The following WWC2 variants were observed in gnomAD, a reference collection of about 807,000 sequenced individuals.
The protein encoded by WWC2 is WW and C2 domain containing 2.
In WWC2, 101 loss-of-function variants were observed where a neutral mutation model predicts 138.5. The observed-to-expected ratio is 0.73, with a 90% CI of 0.62 to 0.86. WWC2 has a LOEUF of 0.86. WWC2 is among the 40% of genes least tolerant of loss of function. The pLI, the probability that WWC2 is intolerant of heterozygous loss-of-function variation, is 0.00. For missense variants in WWC2, 1,420 were observed against 1,419.4 expected, an observed-to-expected ratio of 1.00 and a Z score of -0.01; for synonymous variants, 558 against 538.4, an observed-to-expected ratio of 1.04 and a Z score of -0.50.
At chr4:183,101,712 A>T (rs934218322) in intron 1 of WWC2, among the ~76,000 whole-genome samples, 2 of 152,206 alleles carry the variant, frequency 1.3e-5, no homozygotes, top group Non-Finnish European at 2.9e-5. Flanking sequence ...CAGTTTTGTT[A>T]CACACTTACC....
At chr4:183,313,715 C>T (rs1452763747) in intron 22 of WWC2, among the ~76,000 whole-genome samples, 1 of 151,298 alleles carries the variant, frequency 6.6e-6, no homozygotes, top group Non-Finnish European at 1.5e-5. Context: ...CTGGTGGGCA[C>T]CAATCACTGA....
At chr4:183,155,190 GA>G (rs1561439602) in intron 1 of WWC2, among the ~76,000 whole-genome samples, 24 of 10,968 alleles carry the variant, frequency 2.2e-3, no homozygotes, top group Middle Eastern at 0.028. Flanking sequence ...ATCTTCTGAG[GA>G]GAGAGAGAGA....
intron 1 of WWC2, among the ~76,000 whole-genome samples, chr4:183,153,645 C>CT (rs397964355): frequency 0.069 from 8,917 of 128,976 alleles, 645 homozygotes; most frequent in African/African-American, 0.16. Flanking sequence ...TAGAAGTAGT[C>CT]TTTTTTTTTT....
rs539110891 is a variant in WWC2 at position 183,320,529 on chromosome 4, A to C, written c.*4800A>C. ...AAGTGATAATCTCCTTTCATTGTCA[A>C]GGTTAAAATGGCTTTCATGTTATTC... On this transcript the variant is annotated 3_prime_UTR_variant, in exon 23 of 23. Transcript: ENST00000403733. The C allele has an allele frequency of 2.9e-6, 1 of 348,694 alleles. No individual in the cohort carries two copies. Among genetic ancestry groups the C allele is most frequent in the African/African-American group, 2.1e-5 (1 of 48,090 alleles). 21.6% of individuals were successfully genotyped at this position (348,694 alleles called of 1,614,324 possible). A position where few individuals can be genotyped will look rare whatever the true frequency, so the allele number is the denominator to read the frequency against.
At chr4:183,309,504 G>A (rs999058140) in intron 21 of WWC2, among the ~76,000 whole-genome samples, 3 of 152,142 alleles carry the variant, frequency 2.0e-5, no homozygotes, top group Non-Finnish European at 4.4e-5. Context: ...ATAAGAAATT[G>A]CAGATTAAAG....
intron 7 of WWC2, 72 bp from the exon 8 acceptor site, chr4:183,249,848 C>A: frequency 7.7e-7 from 1 of 1,304,128 alleles, no homozygotes; most frequent in Non-Finnish European, 1.1e-6. Context: ...ACATACTTCC[C>A]AGAAACAAAA....
At chr4:183,206,087 C>A (rs1472008490) in intron 2 of WWC2, among the ~76,000 whole-genome samples, 1 of 152,058 alleles carries the variant, frequency 6.6e-6, no homozygotes, top group Non-Finnish European at 1.5e-5. Flanking sequence ...GCTTGAGTTA[C>A]CCCTCTTTGC....
At chr4:183,120,450 G>C (rs1579957220) in intron 1 of WWC2, among the ~76,000 whole-genome samples, 1 of 152,134 alleles carries the variant, frequency 6.6e-6, no homozygotes, top group East Asian at 1.9e-4. Flanking sequence ...CTTTATTAGT[G>C]GCTGCTTCTG....
Position 183,122,674 on chromosome 4 carries a change from C to T in WWC2, c.131+23052C>T, listed in dbSNP as rs150953737. Among the ~76,000 whole-genome samples, 1,197 of 152,204 alleles carry T rather than the reference C, an allele frequency of 7.9e-3. 12 individuals carry two copies. The highest frequency in any genetic ancestry group is 0.027 in the African/African-American group (1,132 of 41,516). On this transcript the variant is annotated intron_variant, in intron 1 of 22. Coordinates refer to ENST00000403733, the MANE Select transcript of WWC2 (RefSeq NM_024949.6). ...AGCTGGGATTACAGGCATGCACCAC[C>T]ACCCCTAGCTAATTTTGTGTTTTTA...
chr4:183,209,658 G>T (rs1735543892), intron 4 of WWC2, among the ~76,000 whole-genome samples: 1 of 152,256 alleles, frequency 6.6e-6, no homozygotes, highest in Middle Eastern at 3.4e-3. Flanking sequence ...TGTTTTGTCA[G>T]ACAACCCAAT....
intron 1 of WWC2, among the ~76,000 whole-genome samples, chr4:183,101,942 C>T (rs978021214): frequency 1.3e-5 from 2 of 152,144 alleles, no homozygotes; most frequent in African/African-American, 4.8e-5. Context: ...TTTTGATAGT[C>T]TATCAGAATT....
intron 15 of WWC2, chr4:183,269,470 C>T (rs938941621): frequency 3.9e-5 from 21 of 536,664 alleles, no homozygotes; most frequent in African/African-American, 2.5e-4. Flanking sequence ...CTTACCACTC[C>T]CAGTACCAAT....
chr4:183,157,565 A>T (rs183717050), intron 1 of WWC2, among the ~76,000 whole-genome samples: 1 of 152,144 alleles, frequency 6.6e-6, no homozygotes, highest in Non-Finnish European at 1.5e-5. Flanking sequence ...CAGTGGCGCA[A>T]TCTCAGCTCA....
intron 1 of WWC2, among the ~76,000 whole-genome samples, chr4:183,172,446 G>T (rs1472061487): frequency 6.6e-6 from 1 of 152,008 alleles, no homozygotes; most frequent in African/African-American, 2.4e-5. Context: ...TTTAGCTAGG[G>T]ACATAATTCC....
At chr4:183,236,378 C>A (rs1194033829) in intron 4 of WWC2, among the ~76,000 whole-genome samples, 10 of 152,030 alleles carry the variant, frequency 6.6e-5, no homozygotes, top group Non-Finnish European at 1.5e-4. Flanking sequence ...CCAGGGGTGC[C>A]TTGTGGTCAG....
chr4:183,178,586 A>G (rs1224806193), intron 1 of WWC2, among the ~76,000 whole-genome samples: 1 of 151,360 alleles, frequency 6.6e-6, no homozygotes, highest in African/African-American at 2.4e-5. Flanking sequence ...CTCTTTAAAA[A>G]AAAAAAAAAA....
chr4:183,272,325 T>C (rs566551049), intron 16 of WWC2, among the ~76,000 whole-genome samples: 5 of 152,314 alleles, frequency 3.3e-5, no homozygotes, highest in Non-Finnish European at 5.9e-5. Flanking sequence ...GAACAACACA[T>C]ACAAAATGGC....
intron 1 of WWC2, among the ~76,000 whole-genome samples, chr4:183,134,691 A>G (rs1733055158): frequency 6.6e-6 from 1 of 152,054 alleles, no homozygotes; most frequent in Non-Finnish European, 1.5e-5. Flanking sequence ...TTTTTGCTTT[A>G]TATGATAATT....
intron 1 of WWC2, among the ~76,000 whole-genome samples, chr4:183,188,672 T>C (rs1734891503): frequency 7.1e-6 from 1 of 139,994 alleles, no homozygotes; most frequent in Non-Finnish European, 1.5e-5. Context: ...TGAGACGAAG[T>C]CTCGCTCTTG....
Sources: allele counts gnomAD v4.1 joint callset (sites outside exome capture counted in the v4.1 genomes callset), GRCh38; gene constraint gnomAD v4.1.1; transcripts MANE v1.5; gene names NCBI Gene and HGNC (gene_info 2026-07-23, HGNC 2026-07-21).